ABR: variants seen among roughly 807,000 people sequenced by gnomAD.
The protein encoded by ABR is ABR activator of RhoGEF and GTPase.
Under a neutral mutation model 107.2 loss-of-function variants are expected in ABR, and 35 were observed. The observed-to-expected ratio is 0.33, with a 90% CI of 0.25 to 0.43. The LOEUF (loss-of-function observed/expected upper bound fraction) is 0.43, where lower values mean the gene tolerates loss of function less well. ABR is among the 20% of genes least tolerant of loss of function. The pLI is 1.00. For synonymous variants in ABR, 498 were observed against 462.0 expected (o/e 1.08, Z -1.00); for missense variants, 815 against 1,115.2 (o/e 0.73, Z 3.83).
chr17:1,142,064 T>C (rs1041162171), intron 1 of ABR, among the ~76,000 whole-genome samples: 20 of 151,868 alleles, frequency 1.3e-4, no homozygotes, highest in Admixed American at 3.9e-4. Flanking sequence ...GGCCAGTTCA[T>C]GACTTGAATC....
intron 1 of ABR, among the ~76,000 whole-genome samples, chr17:1,175,607 C>T (rs1298928780): frequency 1.3e-5 from 2 of 152,190 alleles, no homozygotes; most frequent in Non-Finnish European, 2.9e-5. Context: ...GGGCCCCTGG[C>T]AGCTGGGATC....
intron 16 of ABR, among the ~76,000 whole-genome samples, chr17:1,021,733 G>A (rs1467800746): frequency 1.3e-5 from 2 of 152,008 alleles, no homozygotes; most frequent in Non-Finnish European, 2.9e-5. Flanking sequence ...GAACCCGGGA[G>A]GCGGAGGTTG....
chr17:1,222,334 G>T (rs1286367607), intron 1 of ABR, among the ~76,000 whole-genome samples: 5 of 152,120 alleles, frequency 3.3e-5, no homozygotes, highest in South Asian at 2.1e-4. Flanking sequence ...CAAAGTGCTG[G>T]GATTACAGGC....
In ABR at chr17:1,070,180, G is replaced by T; in HGVS notation, c.895-90C>A. On this transcript the variant is annotated intron_variant, in intron 8 of 22. Coordinates refer to ENST00000302538, the MANE Select transcript of ABR (RefSeq NM_021962.5). The surrounding 1 kb of genome is among the most constrained non-coding windows in gnomAD (Gnocchi z 4.2). ...CACGGGGGCACGGCCAGCCAGGGAG[G>T]ACTGGACCGAGAGGCGGCATAGCCT... The T allele has an allele frequency of 5.8e-6, 9 of 1,547,126 alleles. No individual in the cohort carries two copies. The South Asian group carries it at 9.5e-5, about 16-fold the overall frequency.
At position 1,154,108 on chromosome 17, in the gene ABR, T is replaced by G; in HGVS notation, c.61+25559A>C. ...AAATCTCAGCTTCCCCCAGTTCTGC[T>G]CCGAGGACTGGGTCTAAGGGACGAG... On this transcript the variant is annotated intron_variant, in intron 1 of 22. Coordinates refer to ENST00000302538, the MANE Select transcript of ABR (RefSeq NM_021962.5). This position sits in a 1 kb window ranked among gnomAD's most constrained non-coding sequence, Gnocchi z 4.0. 1 of 153,156 alleles carries G rather than the reference T, an allele frequency of 6.5e-6. No homozygotes were observed. Among genetic ancestry groups the G allele is most frequent in the Non-Finnish European group, 1.5e-5 (1 of 68,676 alleles). 9.5% of individuals were successfully genotyped at this position (153,156 alleles called of 1,614,324 possible). A position where few individuals can be genotyped will look rare whatever the true frequency, so the allele number is the denominator to read the frequency against.
upstream of ABR, among the ~76,000 whole-genome samples, chr17:1,191,827 C>A (rs1211693537): frequency 1.3e-5 from 2 of 152,164 alleles, no homozygotes; most frequent in Admixed American, 1.3e-4. Flanking sequence ...TAAATCACTT[C>A]ATTGTCACCG....
chr17:1,078,833 G>A lies in ABR; in HGVS notation c.700+497C>T. On this transcript the variant is annotated intron_variant, in intron 6 of 22. Coordinates refer to ENST00000302538, the MANE Select transcript of ABR (RefSeq NM_021962.5). This position sits in a 1 kb window ranked among gnomAD's most constrained non-coding sequence, Gnocchi z 7.5. Reference sequence around the variant, plus strand: ...GGTTACCATAGGTGCAGTTACAGCAGAAGCGAATAATGAGGAGAATCTCCA... The same window carrying A: ...GGTTACCATAGGTGCAGTTACAGCAAAAGCGAATAATGAGGAGAATCTCCA... 6.5e-7 allele frequency: 1 copy of A among 1,535,612 alleles called. No homozygotes were observed. The highest frequency in any genetic ancestry group is 8.7e-7 in the Non-Finnish European group (1 of 1,146,844).
At chr17:1,141,764 C>CTTT (rs11330072) in intron 1 of ABR, among the ~76,000 whole-genome samples, 4 of 146,420 alleles carry the variant, frequency 2.7e-5, no homozygotes, top group East Asian at 4.0e-4. Flanking sequence ...GACTTAAATT[C>CTTT]TTTTTTTTTT....
intron 2 of ABR, among the ~76,000 whole-genome samples, chr17:1,105,814 CATG>C (rs2038208502): frequency 6.6e-6 from 1 of 151,844 alleles, no homozygotes; most frequent in African/African-American, 2.4e-5. Context: ...CACAGAGAGC[CATG>C]ATTGTGCCAT....
At chr17:1,119,520 C>A (rs1333746435) in intron 2 of ABR, among the ~76,000 whole-genome samples, 2 of 129,106 alleles carry the variant, frequency 1.5e-5, no homozygotes, top group East Asian at 4.9e-4. Context: ...AGCCTGAGTT[C>A]TTCCCAGCGT....
Position 1,073,664 on chromosome 17 carries a change from C to T in ABR, c.714G>A (p.Lys238=), listed in dbSNP as rs2151192150. 1 of 1,606,332 alleles carries T rather than the reference C, an allele frequency of 6.2e-7. No individual in the cohort carries two copies. The highest frequency in any genetic ancestry group is 2.2e-5 in the East Asian group (1 of 44,750). ...TSVTMEALLY[K]PIDRVTRSTL... ...TGCTCCGAGTGACCCGGTCAATGGG[C>T]TTGTAGAGCAGAGCTGTCGGGGGAG... Residue 238 remains lysine, a synonymous_variant, in exon 7 of 23, where the codon AAG becomes AAA. Transcript: ENST00000302538.
intron 1 of ABR, among the ~76,000 whole-genome samples, chr17:1,158,086 C>A (rs77557400): frequency 6.6e-6 from 1 of 152,020 alleles, no homozygotes; most frequent in Non-Finnish European, 1.5e-5. Flanking sequence ...CTGAGTAAGC[C>A]GCCATTTATT....
upstream of ABR, among the ~76,000 whole-genome samples, chr17:1,188,101 G>T (rs1386357282): frequency 6.6e-6 from 1 of 152,056 alleles, no homozygotes; most frequent in Admixed American, 6.6e-5. Flanking sequence ...TGTAGTCCCA[G>T]CTACTCAAGA....
chr17:1,039,030 T>C (rs1225976601), intron 16 of ABR, among the ~76,000 whole-genome samples: 3 of 152,192 alleles, frequency 2.0e-5, no homozygotes, highest in Non-Finnish European at 2.9e-5. Context: ...TCACCCGAGG[T>C]TGGCCGGCTA....
upstream of ABR, among the ~76,000 whole-genome samples, chr17:1,190,315 G>C (rs571994531): frequency 6.6e-6 from 1 of 152,132 alleles, no homozygotes; most frequent in East Asian, 1.9e-4. Context: ...GTCCTTCTCC[G>C]AGGCCTGTCC....
intron 1 of ABR, among the ~76,000 whole-genome samples, chr17:1,212,486 G>A (rs369805186): frequency 6.6e-6 from 1 of 152,122 alleles, no homozygotes. Flanking sequence ...CAGGCACAGT[G>A]GTTCACACCT....
chr17:1,179,715 T>C lies in ABR; in HGVS notation c.13A>G (p.Ser5Gly). 6.5e-7 allele frequency: 1 copy of C among 1,548,876 alleles called. No homozygotes were observed. The highest frequency in any genetic ancestry group is 1.4e-5 in the African/African-American group (1 of 70,534). MEPLSHRGLPRLSWI... is the reference protein window; with the variant it reads MEPLGHRGLPRLSWI... ...GACAGGCGCGGCAGGCCCCGGTGGC[T>C]GAGCGGCTCCATCCCGCGGCGGCGG... is the stretch of plus-strand genomic sequence containing the variant. Residue 5 changes from serine to glycine, a missense_variant, in exon 1 of 23, where the codon AGC becomes GGC. By Grantham distance (56) the Ser-to-Gly change is moderately conservative. This residue lies in a region of ABR where 129 missense variants were observed against 124.8 expected (regional missense o/e 1.03). Coordinates refer to ENST00000302538, the MANE Select transcript of ABR (RefSeq NM_021962.5). The surrounding 1 kb of genome is among the most constrained non-coding windows in gnomAD (Gnocchi z 4.9).
At chr17:1,216,923 G>T (rs1030866658) in intron 1 of ABR, among the ~76,000 whole-genome samples, 1 of 152,118 alleles carries the variant, frequency 6.6e-6, no homozygotes, top group Non-Finnish European at 1.5e-5. Flanking sequence ...ACAGGCGTGG[G>T]GGGATCCTAG....
chr17:1,051,322 G>A lies in ABR; in HGVS notation c.1562-688C>T, dbSNP rs892526691. On this transcript the variant is annotated intron_variant, in intron 14 of 22. Transcript: ENST00000302538. This position sits in a 1 kb window ranked among gnomAD's most constrained non-coding sequence, Gnocchi z 4.3. ...AGCCTGGGTTTTCCTGCCTGCCGGT[G>A]TACCCGCAGTACCAAGAACAGGGCT... 6.6e-6 allele frequency among the ~76,000 whole-genome samples: 1 copy of A among 152,134 alleles called. No individual in the cohort carries two copies. Among genetic ancestry groups the A allele is most frequent in the African/African-American group, 2.4e-5 (1 of 41,432 alleles).
Sources: gnomAD v4.1 joint callset for allele counts (sites outside exome capture counted in the v4.1 genomes callset) on GRCh38, gnomAD v4.1.1 for gene constraint, gnomAD v4.1.1 regional missense constraint, Gnocchi (gnomAD v3.1) non-coding constraint, MANE v1.5 for transcripts, NCBI Gene and HGNC (gene_info 2026-07-23, HGNC 2026-07-21) for gene names.